Variants in FOXRED2 observed in about 807,000 individuals in gnomAD.
FOXRED2 encodes FAD dependent oxidoreductase domain containing 2.
A neutral mutation model predicts 52.5 loss-of-function variants in FOXRED2; 32 were observed. The ratio of observed to expected loss-of-function variants is 0.61; its 90% CI spans 0.46 to 0.82. The LOEUF (loss-of-function observed/expected upper bound fraction) is 0.82, where lower values mean the gene tolerates loss of function less well. Ranked by LOEUF, FOXRED2 falls within the 40% of genes least tolerant of loss-of-function variation. FOXRED2 has a pLI of 0.00. For synonymous variants in FOXRED2, 405 were observed against 398.1 expected (o/e 1.02, Z -0.21); for missense variants, 848 against 937.5 (o/e 0.90, Z 1.25).
intron 5 of FOXRED2, 108 bp downstream of exon 5, chr22:36,501,133 T>C (rs1301130213): frequency 1.7e-6 from 2 of 1,167,290 alleles, no homozygotes; most frequent in African/African-American, 1.5e-5. Context: ...AATGAGCTAC[T>C]GACAAGCAAT....
At chr22:36,506,594 C>T (rs983469735) in intron 1 of FOXRED2, 171 bp from the exon 2 acceptor site, 25 of 588,710 alleles carry the variant, frequency 4.2e-5, no homozygotes, top group African/African-American at 2.9e-4. Flanking sequence ...CAAGCTGGGA[C>T]TTGGGGCTCC....
At chr22:36,503,985 G>T in intron 4 of FOXRED2, 113 bp downstream of exon 4, 2 of 1,138,162 alleles carry the variant, frequency 1.8e-6, no homozygotes, top group Non-Finnish European at 2.5e-6. Context: ...TCCATTCTTT[G>T]GGTGCTGTCC....
rs1313199749 is a variant in FOXRED2 at position 36,493,789 on chromosome 22, A to C, written c.1639T>G (p.Phe547Val). The C allele has an allele frequency of 6.2e-7, 1 of 1,613,872 alleles. No individual in the cohort carries two copies. The highest frequency in any genetic ancestry group is 2.2e-5 in the East Asian group (1 of 44,884). ...RYLPTEQEVR[F>V]RPAHWPLPRP... is the part of the protein sequence containing the mutation. ...GGCAGGGGCCAGTGTGCAGGGCGGA[A>C]CCTCACCTCCTGTTCTGTGGGGAGG... Residue 547 changes from phenylalanine (F) to valine (V), a missense_variant, in exon 8 of 9, where the codon TTC becomes GTC. Transcript: ENST00000397224.
chr22:36,498,861 G>C (rs1319368489), intron 5 of FOXRED2, among the ~76,000 whole-genome samples: 2 of 150,202 alleles, frequency 1.3e-5, no homozygotes, highest in South Asian at 2.1e-4. Context: ...CGTACTGTAA[G>C]ACCCCTCTGC....
chr22:36,505,887 C>A lies in FOXRED2; in HGVS notation c.527+9G>T, dbSNP rs373476529. 1.2e-6 allele frequency: 2 copies of A among 1,602,582 alleles called. No homozygotes were observed. The highest frequency in any genetic ancestry group is 1.1e-5 in the South Asian group (1 of 90,870). Reference sequence around the variant, plus strand: ...AGCTTCCGCAGGTGAGCTCTGGCACCGGCCTTACCTGCACTGATGCACCTG... The same window carrying A: ...AGCTTCCGCAGGTGAGCTCTGGCACAGGCCTTACCTGCACTGATGCACCTG... On this transcript the variant is annotated intron_variant, in intron 2 of 8. Transcript: ENST00000397224.
rs776791102 is a variant in FOXRED2 at position 36,506,242 on chromosome 22, G to A, written c.181C>T (p.Arg61Trp). The change falls in exon 2 of 9, where the codon CGG becomes TGG. Residue 61 changes from arginine to tryptophan, a missense_variant. Coordinates refer to ENST00000397224, the MANE Select transcript of FOXRED2 (RefSeq NM_001102371.2). ...AAGAAGCTGCCGGGCCGCGGGGCCC[G>A]CTCGAACACTGCGTAGTCGCGTCCA... ...RAGRDYAVFE[R>W]APRPGSFFTR... is the part of the protein sequence containing the mutation. 1 of 1,613,314 alleles carries A rather than the reference G, an allele frequency of 6.2e-7. No individual in the cohort carries two copies. The highest frequency in any genetic ancestry group is 8.5e-7 in the Non-Finnish European group (1 of 1,179,796).
In FOXRED2 at chr22:36,490,186, A is replaced by C. The variant is rs754732840; in HGVS notation, c.1877T>G (p.Val626Gly). 1.2e-6 allele frequency: 2 copies of C among 1,614,070 alleles called. No individual in the cohort carries two copies. The highest frequency in any genetic ancestry group is 1.7e-6 in the Non-Finnish European group (2 of 1,179,946). Residue 626 changes from valine to glycine, a missense_variant, in exon 9 of 9, where the codon GTG (valine) becomes GGG (glycine). Transcript: ENST00000397224. ...GTGCTGCCAAAGGCTCTCGGTACTC[A>C]CGAGTCCCTGCATCCTCAGGTACCC... ...QQGYLRMQGL[V>G]STESLWQHRV... is the part of the protein sequence containing the mutation.
chr22:36,490,082 G>A lies in FOXRED2; in HGVS notation c.1981C>T (p.Gln661Ter). 1 of 1,613,638 alleles carries A rather than the reference G, an allele frequency of 6.2e-7. No individual in the cohort carries two copies. Among genetic ancestry groups the A allele is most frequent in the Non-Finnish European group, 8.5e-7 (1 of 1,179,624 alleles). The change falls in exon 9 of 9, where the codon CAA becomes TAA. Residue 661 changes from glutamine to a stop codon, truncating the protein, a stop_gained. Coordinates refer to ENST00000397224, the MANE Select transcript of FOXRED2 (RefSeq NM_001102371.2). LOFTEE classifies it low-confidence loss of function (END_TRUNC). The part of the protein sequence containing the change: ...LEDSSQQLGD[Q>*]EPLGSPLAPG... ...GCCAGGGGGGAACCTAGTGGCTCTTGGTCGCCAAGCTGCTGGCTGCTGTCC... is the reference window on the plus strand; with the variant it reads ...GCCAGGGGGGAACCTAGTGGCTCTTAGTCGCCAAGCTGCTGGCTGCTGTCC...
At chr22:36,496,267 G>A in intron 6 of FOXRED2, 59 bp from the exon 7 acceptor site, 5 of 1,601,856 alleles carry the variant, frequency 3.1e-6, no homozygotes, top group Non-Finnish European at 4.3e-6. Flanking sequence ...GAGGGGTGCA[G>A]CCCGGGGGTG....
intron 4 of FOXRED2, among the ~76,000 whole-genome samples, chr22:36,503,466 C>T (rs987596913): frequency 6.6e-5 from 10 of 151,512 alleles, no homozygotes; most frequent in South Asian, 2.1e-4. Flanking sequence ...CCCACCACCA[C>T]GCTTGGTTAA....
chr22:36,499,099 T>C (rs5756222), intron 5 of FOXRED2, among the ~76,000 whole-genome samples: 109,923 of 151,934 alleles, frequency 0.72, 40,874 homozygotes, highest in Non-Finnish European at 0.8. Context: ...TTTTGTATTT[T>C]TAGTAGAGAT....
intron 5 of FOXRED2, chr22:36,498,466 T>A (rs750377329): frequency 7.2e-6 from 2 of 277,598 alleles, no homozygotes; most frequent in Non-Finnish European, 1.4e-5. Flanking sequence ...GGCAAAGGAG[T>A]GAGCACAGCT....
At position 36,506,072 on chromosome 22, in the gene FOXRED2, G is replaced by A; in HGVS notation, c.351C>T (p.Ala117=). ...CCATGTCGCGGGCGTCGGGGAAGTA[G>A]GCACGCGAGTAGTGTCTGAAGAGCA... The part of the protein sequence containing the change: ...PRLLFRHYSR[A]YFPDARDMVR... Residue 117 remains alanine, a synonymous_variant, in exon 2 of 9, where the codon GCC becomes GCT. Coordinates refer to ENST00000397224, the MANE Select transcript of FOXRED2 (RefSeq NM_001102371.2). The A allele has an allele frequency of 6.2e-7, 1 of 1,614,274 alleles. No homozygotes were observed. The highest frequency in any genetic ancestry group is 2.2e-5 in the East Asian group (1 of 44,886).
At chr22:36,493,422 G>A (rs1933809848) in intron 8 of FOXRED2, among the ~76,000 whole-genome samples, 1 of 148,716 alleles carries the variant, frequency 6.7e-6, no homozygotes, top group South Asian at 2.1e-4. Context: ...CTGGGCAACA[G>A]AGCGAGACTC....
chr22:36,498,214 T>G (rs1366431318), intron 5 of FOXRED2, 58 bp from the exon 6 acceptor site: 1 of 1,556,490 alleles, frequency 6.4e-7, no homozygotes, highest in Non-Finnish European at 8.7e-7. Flanking sequence ...CTCTGGTCAC[T>G]GGGAGGGATG....
At position 36,506,367 on chromosome 22, in the gene FOXRED2, A is replaced by ATGGCCAGGAGC; in HGVS notation, c.45_55dup (p.Ile19SerfsTer151). ...CACCGACAGCGCTGGGTGCAGGGCG[A>ATGGCCAGGAGC]TGGCCAGGAGCAGCCCCGGGGGACC... is the stretch of plus-strand genomic sequence containing the variant. On this transcript the variant is annotated frameshift_variant, in exon 2 of 9. Transcript: ENST00000397224. LOFTEE classifies it high-confidence loss of function. 1 of 1,453,130 alleles carries ATGGCCAGGAGC rather than the reference A, an allele frequency of 6.9e-7. No individual in the cohort carries two copies. Among genetic ancestry groups the ATGGCCAGGAGC allele is most frequent in the Non-Finnish European group, 9.0e-7 (1 of 1,107,456 alleles). 90.0% of individuals were successfully genotyped at this position (1,453,130 alleles called of 1,614,324 possible).
chr22:36,496,556 G>T (rs182843449), intron 6 of FOXRED2, among the ~76,000 whole-genome samples: 3 of 152,328 alleles, frequency 2.0e-5, no homozygotes, highest in Non-Finnish European at 2.9e-5. Flanking sequence ...GGGCAGGAGA[G>T]GGGGCCGGAG....
At chr22:36,505,032 AGAG>A (rs1219383584) in intron 2 of FOXRED2, among the ~76,000 whole-genome samples, 7 of 152,168 alleles carry the variant, frequency 4.6e-5, no homozygotes, top group African/African-American at 1.7e-4. Flanking sequence ...GCCCTGTGAG[AGAG>A]GAGAAGATGA....
rs1309663193 is a variant in FOXRED2, at chr22:36,501,238, C to T, written c.1216+3G>A. On this transcript the variant is annotated splice_donor_region_variant and intron_variant, in intron 5 of 8. Coordinates refer to ENST00000397224, the MANE Select transcript of FOXRED2 (RefSeq NM_001102371.2). ...ACAGTTCTGCCTTCTCAGCTGGGCT[C>T]ACCTGTGTATCGGAATCCGTGGATG... 1 of 1,613,740 alleles carries T rather than the reference C, an allele frequency of 6.2e-7. No individual in the cohort carries two copies. The highest frequency in any genetic ancestry group is 8.5e-7 in the Non-Finnish European group (1 of 1,179,930).
Sources: gnomAD v4.1 joint callset for allele counts (sites outside exome capture counted in the v4.1 genomes callset) on GRCh38, gnomAD v4.1.1 for gene constraint, MANE v1.5 for transcripts, NCBI Gene and HGNC (gene_info 2026-07-23, HGNC 2026-07-21) for gene names.